Variants in PDZRN4 observed in about 807,000 individuals in gnomAD.
PDZRN4 encodes the protein PDZ domain containing ring finger 4, also known as PDZ domain-containing RING finger protein 4.
Under a neutral mutation model 99.0 loss-of-function variants are expected in PDZRN4, and 70 were observed. That is an observed-to-expected ratio of 0.71 (90% CI 0.58 to 0.86). The LOEUF (loss-of-function observed/expected upper bound fraction) is 0.86. Among genes scored for constraint, PDZRN4 ranks in the 40% least tolerant of loss-of-function variants. The pLI is 0.00. For missense variants in PDZRN4, 1,474 were observed against 1,331.2 expected, an observed-to-expected ratio of 1.11 and a Z score of -1.67; for synonymous variants, 551 against 501.6, an observed-to-expected ratio of 1.10 and a Z score of -1.32.
At chr12:41,425,979 G>T (rs1174665847) in intron 3 of PDZRN4, among the ~76,000 whole-genome samples, 2 of 152,156 alleles carry the variant, frequency 1.3e-5, no homozygotes, top group Non-Finnish European at 2.9e-5. Context: ...GTTGAAATCT[G>T]TTTCATGAGG....
intron 3 of PDZRN4, among the ~76,000 whole-genome samples, chr12:41,430,890 G>A (rs1952581096): frequency 6.6e-6 from 1 of 152,174 alleles, no homozygotes; most frequent in Non-Finnish European, 1.5e-5. Context: ...AGGCTGCAGG[G>A]AACTTTCAAT....
chr12:41,381,417 T>A (rs952967873), intron 3 of PDZRN4, among the ~76,000 whole-genome samples: 1 of 152,092 alleles, frequency 6.6e-6, no homozygotes, highest in Non-Finnish European at 1.5e-5. Context: ...TTCACTCACT[T>A]CTTTTTGTTA....
intron 8 of PDZRN4, among the ~76,000 whole-genome samples, chr12:41,564,957 C>A (rs902407669): frequency 6.6e-6 from 1 of 152,140 alleles, no homozygotes; most frequent in Non-Finnish European, 1.5e-5. Flanking sequence ...GGTTTCCCTG[C>A]CCTTTCCATG....
At chr12:41,329,319 A>C (rs1315859573) in intron 3 of PDZRN4, among the ~76,000 whole-genome samples, 4 of 152,138 alleles carry the variant, frequency 2.6e-5, no homozygotes, top group African/African-American at 9.7e-5. Context: ...TCCATGGCTA[A>C]AACTAACTTT....
At chr12:41,263,503 A>G (rs1401361364) in intron 3 of PDZRN4, among the ~76,000 whole-genome samples, 1 of 152,206 alleles carries the variant, frequency 6.6e-6, no homozygotes, top group Non-Finnish European at 1.5e-5. Flanking sequence ...CCTGACCAAC[A>G]TGGTGAAACC....
intron 3 of PDZRN4, among the ~76,000 whole-genome samples, chr12:41,440,117 A>G (rs1399165851): frequency 6.6e-6 from 1 of 152,158 alleles, no homozygotes; most frequent in Non-Finnish European, 1.5e-5. Context: ...ACTATTTACA[A>G]AAGTGACTTG....
chr12:41,422,067 T>G (rs1234833647), intron 3 of PDZRN4, among the ~76,000 whole-genome samples: 1 of 152,208 alleles, frequency 6.6e-6, no homozygotes, highest in East Asian at 1.9e-4. Flanking sequence ...TTAATTAGAG[T>G]CTCTTGGCTC....
rs376527628 is a variant in PDZRN4 at position 41,375,638 on chromosome 12, T to C, written c.844-130818T>C. On this transcript the variant is annotated intron_variant, in intron 3 of 9. Coordinates refer to ENST00000402685, the MANE Select transcript of PDZRN4 (RefSeq NM_001164595.2). ...TTGAGGTATAATTGACAAAATTGTA[T>C]AAAGTATACAATATAATGGTTTGAT... 7.9e-5 allele frequency among the ~76,000 whole-genome samples: 12 copies of C among 152,286 alleles called. No individual in the cohort carries two copies. In the East Asian group the frequency reaches 1.5e-3, roughly 20 times the overall value.
intron 5 of PDZRN4, among the ~76,000 whole-genome samples, chr12:41,546,767 G>A (rs1938961102): frequency 6.6e-6 from 1 of 152,212 alleles, no homozygotes; most frequent in South Asian, 2.1e-4. Context: ...TCGAGCTCTA[G>A]CGAGAGAACA....
At chr12:41,221,000 TGA>T in intron 3 of PDZRN4, among the ~76,000 whole-genome samples, 1 of 152,318 alleles carries the variant, frequency 6.6e-6, no homozygotes, top group East Asian at 1.9e-4. Context: ...TGGGACCATA[TGA>T]CTGAGTTCTA....
chr12:41,482,935 C>T (rs1407242980), intron 3 of PDZRN4, among the ~76,000 whole-genome samples: 3 of 151,892 alleles, frequency 2.0e-5, no homozygotes, highest in Admixed American at 2.0e-4. Flanking sequence ...GTTTCAAGAA[C>T]ATTTTTAATA....
chr12:41,531,308 A>G (rs549543121), intron 5 of PDZRN4, among the ~76,000 whole-genome samples: 32 of 152,146 alleles, frequency 2.1e-4, no homozygotes, highest in Non-Finnish European at 4.0e-4. Context: ...CAACCGCCCC[A>G]GCCAAACTCC....
At chr12:41,254,865 C>A (rs1013169716) in intron 3 of PDZRN4, among the ~76,000 whole-genome samples, 2 of 152,076 alleles carry the variant, frequency 1.3e-5, no homozygotes, top group Non-Finnish European at 2.9e-5. Flanking sequence ...GCAGGAGGAT[C>A]ACTTAAGGCC....
chr12:41,240,509 A>G (rs772268223), intron 3 of PDZRN4, among the ~76,000 whole-genome samples: 3 of 152,252 alleles, frequency 2.0e-5, no homozygotes, highest in Non-Finnish European at 4.4e-5. Flanking sequence ...ATGTAGTTAC[A>G]ATGAAGACAG....
At chr12:41,399,727 A>T (rs1419752478) in intron 3 of PDZRN4, among the ~76,000 whole-genome samples, 2 of 147,310 alleles carry the variant, frequency 1.4e-5, no homozygotes, top group African/African-American at 5.3e-5. Flanking sequence ...CAAGAGTGAA[A>T]CTTTGTCTCA....
intron 3 of PDZRN4, among the ~76,000 whole-genome samples, chr12:41,291,726 G>A (rs1178773319): frequency 4.6e-5 from 7 of 152,106 alleles, no homozygotes; most frequent in Non-Finnish European, 1.0e-4. Flanking sequence ...GGGTTGTGAA[G>A]AGAATAAGAT....
chr12:41,214,212 G>T (rs1379717208), intron 3 of PDZRN4, among the ~76,000 whole-genome samples: 5 of 131,242 alleles, frequency 3.8e-5, no homozygotes, highest in African/African-American at 1.4e-4. Flanking sequence ...GAGGCCAAGA[G>T]TTCAAGACCC....
intron 7 of PDZRN4, among the ~76,000 whole-genome samples, chr12:41,557,682 C>CTT (rs34041922): frequency 6.8e-6 from 1 of 146,414 alleles, no homozygotes; most frequent in Non-Finnish European, 1.5e-5. Context: ...TGCAGAGCTC[C>CTT]TTTTTTTTTT....
At chr12:41,396,232 C>T (rs1952244705) in intron 3 of PDZRN4, among the ~76,000 whole-genome samples, 1 of 152,050 alleles carries the variant, frequency 6.6e-6, no homozygotes, top group Admixed American at 6.6e-5. Flanking sequence ...GATTATTTTT[C>T]CTCTAGTTTC....
Sources: allele counts gnomAD v4.1 joint callset (sites outside exome capture counted in the v4.1 genomes callset), GRCh38; gene constraint gnomAD v4.1.1; transcripts MANE v1.5; gene names NCBI Gene and HGNC (gene_info 2026-07-23, HGNC 2026-07-21).